The following ELMOD1 variants were observed in gnomAD, a reference collection of about 807,000 sequenced individuals.
ELMOD1 encodes the protein ELMO domain-containing protein 1.
In ELMOD1, 21 loss-of-function variants were observed where a neutral mutation model predicts 46.7. The observed-to-expected ratio is 0.45, with a 90% CI of 0.32 to 0.65. ELMOD1 has a LOEUF of 0.65. Ranked by LOEUF, ELMOD1 falls within the 30% of genes least tolerant of loss-of-function variation. The pLI, the probability that ELMOD1 is intolerant of heterozygous loss-of-function variation, is 0.04. For synonymous variants in ELMOD1, 122 were observed against 138.2 expected, an observed-to-expected ratio of 0.88 and a Z score of 0.82; for missense variants, 348 against 407.8, an observed-to-expected ratio of 0.85 and a Z score of 1.26.
At chr11:107,600,067 A>G (rs1188505646) in intron 1 of ELMOD1, among the ~76,000 whole-genome samples, 3 of 152,106 alleles carry the variant, frequency 2.0e-5, no homozygotes, top group East Asian at 1.9e-4. Context: ...TAAATTTCAT[A>G]TACATCTAGA....
intron 2 of ELMOD1, among the ~76,000 whole-genome samples, chr11:107,628,445 G>A (rs1315126869): frequency 6.6e-6 from 1 of 152,092 alleles, no homozygotes; most frequent in African/African-American, 2.4e-5. Flanking sequence ...TATTACAGGC[G>A]TGAGCCACTG....
At chr11:107,614,633 G>A (rs768624833) in intron 1 of ELMOD1, among the ~76,000 whole-genome samples, 7 of 152,092 alleles carry the variant, frequency 4.6e-5, no homozygotes, top group South Asian at 2.1e-4. Context: ...CACCATGCCC[G>A]GCCCAGAGTG....
intron 1 of ELMOD1, among the ~76,000 whole-genome samples, chr11:107,597,544 G>A (rs895691816): frequency 1.3e-5 from 2 of 152,266 alleles, no homozygotes; most frequent in African/African-American, 4.8e-5. Flanking sequence ...TGGGTAGGAT[G>A]TTGATTCTGA....
chr11:107,654,375 G>T (rs1216509015), intron 10 of ELMOD1, among the ~76,000 whole-genome samples, 153 bp downstream of exon 10: 1 of 152,190 alleles, frequency 6.6e-6, no homozygotes, highest in Non-Finnish European at 1.5e-5. Flanking sequence ...CTATATGTTT[G>T]TGGATTTATC....
Position 107,591,263 on chromosome 11 carries a change from G to T in ELMOD1, c.-232G>T, listed in dbSNP as rs904617197. On this transcript the variant is annotated 5_prime_UTR_variant, in exon 1 of 12. Coordinates refer to ENST00000265840, the MANE Select transcript of ELMOD1 (RefSeq NM_018712.4). ...CGCCCGCAGCCAGTGCGGCAGCCGC[G>T]GCCGCCCCTGTCCAGCCTCGGCGCC... 2.6e-5 allele frequency: 4 copies of T among 152,154 alleles called. No individual in the cohort carries two copies. Among genetic ancestry groups the T allele is most frequent in the African/African-American group, 9.7e-5 (4 of 41,414 alleles). 9.4% of individuals were successfully genotyped at this position (152,154 alleles called of 1,614,324 possible).
intron 1 of ELMOD1, among the ~76,000 whole-genome samples, chr11:107,604,253 A>G (rs1460455287): frequency 6.6e-6 from 1 of 152,204 alleles, no homozygotes; most frequent in East Asian, 1.9e-4. Context: ...GGGCAAGGGA[A>G]CCAGGGCTCA....
chr11:107,637,027 C>T (rs545039468), intron 6 of ELMOD1, among the ~76,000 whole-genome samples: 1 of 152,326 alleles, frequency 6.6e-6, no homozygotes, highest in East Asian at 1.9e-4. Flanking sequence ...CTGCTAGGCA[C>T]CATCTTTAGC....
intron 10 of ELMOD1, among the ~76,000 whole-genome samples, chr11:107,654,768 CAAA>C (rs945140722): frequency 4.5e-5 from 3 of 66,922 alleles, no homozygotes. Flanking sequence ...GACTCCGTCT[CAAA>C]AAAAAAAAAA....
chr11:107,650,862 T>A, intron 8 of ELMOD1, 23 bp from the exon 9 acceptor site: 1 of 1,100,810 alleles, frequency 9.1e-7, no homozygotes. Flanking sequence ...ACTTTTCTAA[T>A]TTTTTTCTTT....
chr11:107,645,290 A>G (rs1866408909), intron 6 of ELMOD1, among the ~76,000 whole-genome samples: 1 of 150,896 alleles, frequency 6.6e-6, no homozygotes, highest in South Asian at 2.1e-4. Flanking sequence ...ACCTGGTCTC[A>G]TTTAGTCTTT....
intron 11 of ELMOD1, among the ~76,000 whole-genome samples, chr11:107,657,431 G>C (rs1240758830): frequency 6.6e-6 from 1 of 152,138 alleles, no homozygotes; most frequent in Non-Finnish European, 1.5e-5. Context: ...AGAGGCTGAG[G>C]TGAGAAGATC....
At chr11:107,627,781 C>T (rs916893617) in intron 2 of ELMOD1, among the ~76,000 whole-genome samples, 4 of 152,118 alleles carry the variant, frequency 2.6e-5, no homozygotes, top group South Asian at 2.1e-4. Flanking sequence ...ACTCCTTGAA[C>T]GATCATAAGG....
intron 2 of ELMOD1, among the ~76,000 whole-genome samples, chr11:107,620,948 A>G (rs774722763): frequency 6.6e-6 from 1 of 152,236 alleles, no homozygotes; most frequent in Non-Finnish European, 1.5e-5. Context: ...CAGAAAAAGA[A>G]GGAACATTTT....
chr11:107,634,141 G>A (rs1264787053), intron 5 of ELMOD1, among the ~76,000 whole-genome samples: 1 of 152,112 alleles, frequency 6.6e-6, no homozygotes, highest in Non-Finnish European at 1.5e-5. Flanking sequence ...GAGTGAACAA[G>A]ACAAAAGACT....
chr11:107,640,342 T>C (rs953813303), intron 6 of ELMOD1, among the ~76,000 whole-genome samples: 1 of 152,228 alleles, frequency 6.6e-6, no homozygotes, highest in African/African-American at 2.4e-5. Context: ...AAATTACTAT[T>C]CCCATTGGTT....
Position 107,630,787 on chromosome 11 carries a change from A to G in ELMOD1, c.192+59A>G, listed in dbSNP as rs372847998. The stretch of plus-strand genomic sequence containing the variant: ...CACTTGGAAGCTTACCTTTATCATA[A>G]GAAGTAAAAATTCTAAGAAACCAAA... On this transcript the variant is annotated intron_variant, in intron 4 of 11. Coordinates refer to ENST00000265840, the MANE Select transcript of ELMOD1 (RefSeq NM_018712.4). 2.9e-5 allele frequency: 44 copies of G among 1,529,850 alleles called. No individual in the cohort carries two copies. In the South Asian group the frequency reaches 4.9e-4, roughly 17 times the overall value. The allele number at this position is 1,529,850 out of a possible 1,614,324, so 94.8% of individuals were successfully genotyped here. A position where few individuals can be genotyped will look rare whatever the true frequency, so the allele number is the denominator to read the frequency against.
intron 10 of ELMOD1, among the ~76,000 whole-genome samples, chr11:107,655,355 T>A (rs1484336272): frequency 1.3e-5 from 2 of 152,188 alleles, no homozygotes; most frequent in Non-Finnish European, 2.9e-5. Context: ...ATGAATTATA[T>A]CTATAAAGCT....
chr11:107,653,920 A>G (rs985047413), intron 9 of ELMOD1: 11 of 476,252 alleles, frequency 2.3e-5, no homozygotes, highest in African/African-American at 2.1e-4. Context: ...AGTGCAAAAG[A>G]ATAGCTTAAT....
Position 107,654,155 on chromosome 11 carries a change from T to C in ELMOD1, c.648-17T>C, listed in dbSNP as rs1866578363. 3.2e-6 allele frequency: 5 copies of C among 1,568,752 alleles called. No individual in the cohort carries two copies. Among genetic ancestry groups the C allele is most frequent in the Non-Finnish European group, 4.3e-6 (5 of 1,155,458 alleles). ...AGGTTAAATCTGACTTACTTACTTATTCATTCATCCATTCAGCAAATTCAG... is the reference window on the plus strand; with the variant it reads ...AGGTTAAATCTGACTTACTTACTTACTCATTCATCCATTCAGCAAATTCAG... On this transcript the variant is annotated splice_polypyrimidine_tract_variant and intron_variant, in intron 9 of 11. Transcript: ENST00000265840.
Sources: gnomAD v4.1 joint callset for allele counts (sites outside exome capture counted in the v4.1 genomes callset) on GRCh38, gnomAD v4.1.1 for gene constraint, MANE v1.5 for transcripts, NCBI Gene and HGNC (gene_info 2026-07-23, HGNC 2026-07-21) for gene names.